ERBB4: variants seen among roughly 807,000 people sequenced by gnomAD.
The protein encoded by ERBB4 is erb-b2 receptor tyrosine kinase 4.
In ERBB4, 42 loss-of-function variants were observed where a neutral mutation model predicts 158.0. That is an observed-to-expected ratio of 0.27 (90% CI 0.21 to 0.34). ERBB4 has a LOEUF of 0.34. Ranked by LOEUF, ERBB4 falls within the 10% of genes least tolerant of loss-of-function variation. ERBB4 has a pLI of 1.00. For missense variants in ERBB4, 1,333 were observed against 1,624.1 expected (o/e 0.82, Z 3.08); for synonymous variants, 583 against 558.7 (o/e 1.04, Z -0.61).
At chr2:211,386,023 G>A (rs1440168801) in intron 27 of ERBB4, among the ~76,000 whole-genome samples, 2 of 152,194 alleles carry the variant, frequency 1.3e-5, no homozygotes, top group Admixed American at 6.5e-5. Flanking sequence ...TACTTTAAAG[G>A]AGAGAACATA....
At chr2:212,018,963 G>A (rs1364072396) in intron 2 of ERBB4, among the ~76,000 whole-genome samples, 2 of 152,048 alleles carry the variant, frequency 1.3e-5, no homozygotes, top group Non-Finnish European at 2.9e-5. Flanking sequence ...TAAAAAGTGA[G>A]GGGGAGCGGT....
At chr2:211,592,164 A>G (rs986581166) in intron 19 of ERBB4, among the ~76,000 whole-genome samples, 1 of 144,644 alleles carries the variant, frequency 6.9e-6, no homozygotes, top group Non-Finnish European at 1.5e-5. Context: ...AGACTATTAC[A>G]AGCTGCTAGA....
intron 25 of ERBB4, among the ~76,000 whole-genome samples, chr2:211,403,100 C>G (rs1367188515): frequency 9.2e-5 from 14 of 152,016 alleles, no homozygotes; most frequent in Non-Finnish European, 2.1e-4. Context: ...GGCTCCACCT[C>G]TACTCTCAAT....
chr2:211,742,928 CTAGGAAGACTATCAT>C (rs2074845073), intron 5 of ERBB4, among the ~76,000 whole-genome samples: 2 of 151,548 alleles, frequency 1.3e-5, no homozygotes, highest in African/African-American at 4.8e-5. Context: ...TTATGATAGT[CTAGGAAGACTATCAT>C]AAGTAAGTAA....
At chr2:211,636,675 G>A (rs1363906737) in intron 16 of ERBB4, among the ~76,000 whole-genome samples, 1 of 151,792 alleles carries the variant, frequency 6.6e-6, no homozygotes, top group Non-Finnish European at 1.5e-5. Context: ...CAATCTAAAG[G>A]AATTTAGGAT....
At position 211,580,841 on chromosome 2, in the gene ERBB4, ATAT is replaced by A. The variant is rs1467594545; in HGVS notation, c.2302-18756_2302-18754del. 5.9e-4 allele frequency among the ~76,000 whole-genome samples: 53 copies of A among 89,536 alleles called. 1 individual carries two copies. The highest frequency in any genetic ancestry group is 1.5e-3 in the South Asian group (4 of 2,658). The allele number at this position is 89,536 out of a possible 152,430, so 58.7% of individuals were successfully genotyped here. On this transcript the variant is annotated intron_variant, in intron 19 of 27. Transcript: ENST00000342788. ...TATATATATTATATATATAGATTAT[ATAT>A]TATATATATAGTATGCATATACATA...
At chr2:211,673,902 CTATAGGTATACAATAAAAGACACA>C (rs2071951257) in intron 13 of ERBB4, among the ~76,000 whole-genome samples, 1 of 152,014 alleles carries the variant, frequency 6.6e-6, no homozygotes, top group South Asian at 2.1e-4. Context: ...TGAAGTAATT[CTATAGGTATACAATAAAAGACACA>C]GTTTAATGGT....
At chr2:211,620,611 A>C (rs921447643) in intron 18 of ERBB4, among the ~76,000 whole-genome samples, 3 of 152,228 alleles carry the variant, frequency 2.0e-5, no homozygotes, top group Middle Eastern at 3.2e-3. Flanking sequence ...ATGCAAAATA[A>C]TAAGCCAAGT....
At chr2:212,387,417 T>C (rs2090713358) in intron 1 of ERBB4, among the ~76,000 whole-genome samples, 1 of 151,990 alleles carries the variant, frequency 6.6e-6, no homozygotes, top group African/African-American at 2.4e-5. Flanking sequence ...ACTGAAGTCT[T>C]ACTTTGATAC....
chr2:211,935,021 A>G (rs1030467647), intron 3 of ERBB4, among the ~76,000 whole-genome samples: 3 of 151,648 alleles, frequency 2.0e-5, no homozygotes, highest in Non-Finnish European at 4.4e-5. Context: ...AGAGGATGAC[A>G]AAAGTTTAGT....
intron 1 of ERBB4, among the ~76,000 whole-genome samples, chr2:212,267,529 G>A (rs1392062363): frequency 6.6e-6 from 1 of 150,608 alleles, no homozygotes; most frequent in Non-Finnish European, 1.5e-5. Flanking sequence ...TTGAAATAAG[G>A]TATCTTCATT....
chr2:212,426,212 A>G, intron 1 of ERBB4: 1 of 484,494 alleles, frequency 2.1e-6, no homozygotes, highest in South Asian at 1.6e-5. Flanking sequence ...TCTGAGAATA[A>G]GTTTTGAATT....
rs151014198 is a variant in ERBB4 at position 212,375,375 on chromosome 2, A to G, written c.82+163074T>C. Among the ~76,000 whole-genome samples the G allele has an allele frequency of 4.3e-4, 66 of 152,246 alleles. 1 individual carries two copies. Among genetic ancestry groups the G allele is most frequent in the Middle Eastern group, 3.4e-3 (1 of 294 alleles). ...AATCAATGTGAAATTCATCTAATGA[A>G]GAACAGTTACTTGATACCTAATCTT... On this transcript the variant is annotated intron_variant, in intron 1 of 27. Coordinates refer to ENST00000342788, the MANE Select transcript of ERBB4 (RefSeq NM_005235.3).
intron 1 of ERBB4, among the ~76,000 whole-genome samples, chr2:212,461,212 G>C (rs757947486): frequency 1.3e-5 from 2 of 152,140 alleles, no homozygotes; most frequent in African/African-American, 2.4e-5. Flanking sequence ...CCTTAGAATG[G>C]TAGACCCAGT....
In ERBB4 at chr2:211,684,923, T is replaced by A. The variant is rs186024593; in HGVS notation, c.1490-5739A>T. Among the ~76,000 whole-genome samples the A allele has an allele frequency of 3.6e-4, 55 of 152,278 alleles. 1 individual carries two copies. Among genetic ancestry groups the A allele is most frequent in the African/African-American group, 1.3e-3 (53 of 41,568 alleles). On this transcript the variant is annotated intron_variant, in intron 12 of 27. Coordinates refer to ENST00000342788, the MANE Select transcript of ERBB4 (RefSeq NM_005235.3). Reference sequence around the variant, plus strand: ...AGACAAATTTGAGGGTTTCCTCCCATCTCCTCACTAGGTTGCCCTGCAATC... The same window carrying A: ...AGACAAATTTGAGGGTTTCCTCCCAACTCCTCACTAGGTTGCCCTGCAATC...
At chr2:212,171,513 T>C (rs187757546) in intron 1 of ERBB4, among the ~76,000 whole-genome samples, 1 of 152,070 alleles carries the variant, frequency 6.6e-6, no homozygotes, top group East Asian at 1.9e-4. Context: ...GGCAGAATGA[T>C]ATGGTTTGGC....
chr2:211,563,861 G>C (rs1183665868), intron 19 of ERBB4, among the ~76,000 whole-genome samples: 1 of 152,118 alleles, frequency 6.6e-6, no homozygotes, highest in Non-Finnish European at 1.5e-5. Context: ...CATAGAGGGT[G>C]TAATATGTAT....
chr2:211,610,717 G>C (rs2069162154), intron 19 of ERBB4, among the ~76,000 whole-genome samples: 1 of 152,146 alleles, frequency 6.6e-6, no homozygotes, highest in South Asian at 2.1e-4. Flanking sequence ...AGGTTAGAGA[G>C]CTGGAAAATA....
At chr2:211,628,131 C>G (rs2069933265) in intron 17 of ERBB4, among the ~76,000 whole-genome samples, 1 of 150,924 alleles carries the variant, frequency 6.6e-6, no homozygotes, top group African/African-American at 2.4e-5. Context: ...CTCTCTCTTT[C>G]TAACATTTTT....
Sources: gnomAD v4.1 joint callset for allele counts (sites outside exome capture counted in the v4.1 genomes callset) on GRCh38, gnomAD v4.1.1 for gene constraint, MANE v1.5 for transcripts, NCBI Gene and HGNC (gene_info 2026-07-23, HGNC 2026-07-21) for gene names.